Variants in THBS4 observed in about 807,000 individuals in gnomAD.
THBS4 encodes the protein thrombospondin 4.
THBS4 carries 90 observed loss-of-function variants against 115.7 expected under a neutral mutation model. The observed-to-expected ratio is 0.78, with a 90% CI of 0.66 to 0.93. The LOEUF is 0.93. THBS4 is among the 40% of genes least tolerant of loss of function. The pLI is 0.00. For missense variants in THBS4, 1,087 were observed against 1,232.7 expected, an observed-to-expected ratio of 0.88 and a Z score of 1.77; for synonymous variants, 460 against 479.3, an observed-to-expected ratio of 0.96 and a Z score of 0.53.
At chr5:80,050,481 C>T (rs1315331102) in intron 2 of THBS4, among the ~76,000 whole-genome samples, 1 of 152,122 alleles carries the variant, frequency 6.6e-6, no homozygotes, top group African/African-American at 2.4e-5. Context: ...TGGGTGGTGT[C>T]AGCTGATACA....
At chr5:80,027,060 C>A (rs1374577215) in intron 2 of THBS4, among the ~76,000 whole-genome samples, 1 of 152,220 alleles carries the variant, frequency 6.6e-6, no homozygotes, top group East Asian at 1.9e-4. Context: ...GACACAGAAC[C>A]TGTGGCCAAT....
intron 3 of THBS4, among the ~76,000 whole-genome samples, chr5:80,057,286 G>A (rs1285555852): frequency 6.6e-6 from 1 of 152,146 alleles, no homozygotes; most frequent in Non-Finnish European, 1.5e-5. Context: ...ATCAGAAACT[G>A]TACTTACTGG....
intron 2 of THBS4, among the ~76,000 whole-genome samples, chr5:80,042,629 C>T (rs756402355): frequency 5.9e-5 from 9 of 152,098 alleles, no homozygotes; most frequent in Non-Finnish European, 1.2e-4. Context: ...GTAAGGGGAT[C>T]GTTAGTATGT....
At chr5:79,993,465 T>C (rs1314714270) in intron 1 of THBS4, among the ~76,000 whole-genome samples, 1 of 152,232 alleles carries the variant, frequency 6.6e-6, no homozygotes, top group East Asian at 1.9e-4. Context: ...CCTGGCTGTT[T>C]TAGAGTATTG....
rs76359334 is a variant in THBS4 at position 79,994,780 on chromosome 5, A to C, written n.81+3368A>C. 9.3e-3 allele frequency among the ~76,000 whole-genome samples: 1,410 copies of C among 152,344 alleles called. 18 individuals carry two copies. The highest frequency in any genetic ancestry group is 0.03 in the African/African-American group (1,250 of 41,588). On this transcript the variant is annotated intron_variant and non_coding_transcript_variant, in intron 1 of 3. Coordinates refer to the THBS4 transcript ENST00000510218. ...GTGATTGTGCAAAAACTTATGTTCA[A>C]GCTTTTAGAGGCACAGTTGATGAAA...
intron 14 of THBS4, chr5:80,072,637 C>T: frequency 2.0e-6 from 1 of 496,634 alleles, no homozygotes; most frequent in Non-Finnish European, 3.6e-6. Flanking sequence ...GTAACACGAA[C>T]TTCATGATGC....
chr5:80,054,865 C>T (rs920001267), intron 2 of THBS4, among the ~76,000 whole-genome samples: 1 of 152,162 alleles, frequency 6.6e-6, no homozygotes, highest in Non-Finnish European at 1.5e-5. Flanking sequence ...CTGACTAAGG[C>T]CTGTGCATGC....
intron 1 of THBS4, among the ~76,000 whole-genome samples, chr5:79,997,076 G>A (rs7707036): frequency 0.53 from 80,387 of 150,392 alleles, 21,628 homozygotes; most frequent in South Asian, 0.58. Context: ...AGAAAGCAAG[G>A]GGCCAGCAGG....
chr5:79,991,359 AAAC>A (rs1349950540), exon 1 of THBS4: 1 of 874,708 alleles, frequency 1.1e-6, no homozygotes, highest in Non-Finnish European at 1.7e-6. Context: ...GAGATGAGAG[AAAC>A]AACGACTGGA....
chr5:80,049,676 A>T (rs1833190783), intron 2 of THBS4, among the ~76,000 whole-genome samples: 1 of 152,038 alleles, frequency 6.6e-6, no homozygotes, highest in African/African-American at 2.4e-5. Context: ...ATACTATGGG[A>T]TGTGGGAAAA....
intron 2 of THBS4, chr5:79,998,553 A>G (rs1216422471): frequency 6.6e-6 from 1 of 152,248 alleles, no homozygotes; most frequent in Non-Finnish European, 1.5e-5. Flanking sequence ...ACAGACGTAG[A>G]CCCAGACCCA....
chr5:80,016,932 T>C (rs551063843), intron 2 of THBS4, among the ~76,000 whole-genome samples: 6 of 152,254 alleles, frequency 3.9e-5, no homozygotes, highest in Admixed American at 1.3e-4. Flanking sequence ...TTCTATTTGC[T>C]TTAATCATTT....
At chr5:80,060,057 G>T (rs1183740442) in intron 7 of THBS4, 152 bp downstream of exon 7, 1 of 704,254 alleles carries the variant, frequency 1.4e-6, no homozygotes, top group Non-Finnish European at 2.4e-6. Flanking sequence ...TGAGACAAGG[G>T]ATGGCGGAAG....
intron 8 of THBS4, among the ~76,000 whole-genome samples, chr5:80,064,046 C>T (rs1313062898): frequency 6.6e-6 from 1 of 152,168 alleles, no homozygotes; most frequent in Non-Finnish European, 1.5e-5. Context: ...AAAGGCCTAA[C>T]ACCCCTGCAT....
At chr5:80,039,745 G>A (rs1158605182) in intron 1 of THBS4, among the ~76,000 whole-genome samples, 1 of 152,168 alleles carries the variant, frequency 6.6e-6, no homozygotes, top group African/African-American at 2.4e-5. Flanking sequence ...AGTCCCCCTT[G>A]TACTTTAAGC....
chr5:80,016,134 C>G (rs1202290078), intron 2 of THBS4, among the ~76,000 whole-genome samples: 1 of 152,202 alleles, frequency 6.6e-6, no homozygotes, highest in Admixed American at 6.5e-5. Flanking sequence ...TCACACATTC[C>G]CAAACCTCAA....
Position 80,035,534 on chromosome 5 carries a change from C to T in THBS4, c.-4C>T. On this transcript the variant is annotated 5_prime_UTR_variant, in exon 1 of 22. Coordinates refer to ENST00000350881, the MANE Select transcript of THBS4 (RefSeq NM_003248.6). This position sits in a 1 kb window ranked among gnomAD's most constrained non-coding sequence, Gnocchi z 4.6. ...CGGCCTCGCGGGGAGCAGGAAGAGC[C>T]AACATGCTGGCCCCGCGCGGAGCCG... 3 of 1,382,656 alleles carry T rather than the reference C, an allele frequency of 2.2e-6. No individual in the cohort carries two copies. Among genetic ancestry groups the T allele is most frequent in the Non-Finnish European group, 2.8e-6 (3 of 1,067,258 alleles). The allele number at this position is 1,382,656 out of a possible 1,614,324, so 85.6% of individuals were successfully genotyped here. A position where few individuals can be genotyped will look rare whatever the true frequency, so the allele number is the denominator to read the frequency against.
intron 9 of THBS4, chr5:80,067,228 CTG>C (rs1833862136): frequency 6.6e-6 from 1 of 151,580 alleles, no homozygotes; most frequent in South Asian, 2.1e-4. Context: ...ACTTAACTGA[CTG>C]TGGTAATCAT....
chr5:79,991,342 C>A, exon 1 of THBS4: 3 of 1,031,208 alleles, frequency 2.9e-6, no homozygotes, highest in Non-Finnish European at 4.1e-6. Flanking sequence ...AATTTGGGGG[C>A]TCTTGAGAGA....
Sources: allele counts gnomAD v4.1 joint callset (sites outside exome capture counted in the v4.1 genomes callset), GRCh38; gene constraint gnomAD v4.1.1; non-coding constraint Gnocchi (gnomAD v3.1); transcripts MANE v1.5; gene names NCBI Gene and HGNC (gene_info 2026-07-23, HGNC 2026-07-21).